TMC2: variants seen among roughly 807,000 people sequenced by gnomAD.
TMC2 encodes the protein transmembrane channel-like protein 2.
Under a neutral mutation model 105.9 loss-of-function variants are expected in TMC2, and 102 were observed. The ratio of observed to expected loss-of-function variants is 0.96; its 90% CI spans 0.82 to 1.14. The LOEUF (loss-of-function observed/expected upper bound fraction) is 1.14. Among genes scored for constraint, TMC2 ranks in the 50% most tolerant of loss-of-function variants. The probability of loss-of-function intolerance (pLI) is 0.00; values close to 1 mark genes in which losing one functional copy is unlikely to be tolerated. For synonymous variants in TMC2, 402 were observed against 422.8 expected (o/e 0.95, Z 0.60); for missense variants, 1,093 against 1,134.3 (o/e 0.96, Z 0.52).
intron 18 of TMC2, 111 bp from the exon 19 acceptor site, chr20:2,637,363 G>A: frequency 3.3e-6 from 2 of 608,780 alleles, no homozygotes; most frequent in Non-Finnish European, 5.6e-6. Context: ...ACTCCAGCCT[G>A]GGCAACAGAG....
At position 2,612,336 on chromosome 20, in the gene TMC2, G is replaced by T. The variant is rs558902975; in HGVS notation, c.1739G>T (p.Gly580Val). Residue 580 changes from glycine (G) to valine (V), a missense_variant, in exon 13 of 20, where the codon GGC (glycine) becomes GTC (valine). Coordinates refer to ENST00000358864, the MANE Select transcript of TMC2 (RefSeq NM_080751.3). ...PRGSCWETAV[G>V]IEFMRLTVSD... ...GGTTCTTGCTGGGAGACAGCTGTGGGCATTGTGAGTAGTTACACTCTCTAA... is the reference window on the plus strand; with the variant it reads ...GGTTCTTGCTGGGAGACAGCTGTGGTCATTGTGAGTAGTTACACTCTCTAA... 31 of 1,570,012 alleles carry T rather than the reference G, an allele frequency of 2.0e-5. No homozygotes were observed. The South Asian group carries it at 3.4e-4, about 17-fold the overall frequency.
chr20:2,554,357 G>C (rs1162430344), intron 2 of TMC2, among the ~76,000 whole-genome samples: 1 of 152,154 alleles, frequency 6.6e-6, no homozygotes, highest in East Asian at 1.9e-4. Flanking sequence ...AGCCTGGCTA[G>C]AGGGTCATCA....
Position 2,563,499 on chromosome 20 carries a change from G to A in TMC2, c.554+1489G>A, listed in dbSNP as rs150096793. ...GTGCTTAAAACAGATTAGTGTAACCGAAAAACTGATTTTTTTGTTTTAGCT... is the reference window on the plus strand; with the variant it reads ...GTGCTTAAAACAGATTAGTGTAACCAAAAAACTGATTTTTTTGTTTTAGCT... On this transcript the variant is annotated intron_variant, in intron 4 of 19. Coordinates refer to ENST00000358864, the MANE Select transcript of TMC2 (RefSeq NM_080751.3). Among the ~76,000 whole-genome samples, 530 of 152,238 alleles carry A rather than the reference G, an allele frequency of 3.5e-3. 5 individuals are homozygous for A. Among genetic ancestry groups the A allele is most frequent in the African/African-American group, 0.012 (491 of 41,526 alleles).
At chr20:2,594,167 GA>G (rs2086287634) in intron 8 of TMC2, among the ~76,000 whole-genome samples, 1 of 150,846 alleles carries the variant, frequency 6.6e-6, no homozygotes, top group Non-Finnish European at 1.5e-5. Flanking sequence ...TCAGATTGGA[GA>G]CCCTTCAGAA....
chr20:2,577,956 T>C (rs1047017135), intron 5 of TMC2, among the ~76,000 whole-genome samples: 2 of 152,128 alleles, frequency 1.3e-5, no homozygotes, highest in African/African-American at 2.4e-5. Flanking sequence ...TTTTCACAGG[T>C]GCGGACTTTA....
chr20:2,586,290 G>A lies in TMC2; in HGVS notation c.835-6020G>A, dbSNP rs573907069. Reference sequence around the variant, plus strand: ...ACCAACACAACAAACATAAAATGGTGGGACAGGCATAAGATAAATGCTATA... The same window carrying A: ...ACCAACACAACAAACATAAAATGGTAGGACAGGCATAAGATAAATGCTATA... On this transcript the variant is annotated intron_variant, in intron 7 of 19. Coordinates refer to ENST00000358864, the MANE Select transcript of TMC2 (RefSeq NM_080751.3). Among the ~76,000 whole-genome samples, 13 of 152,256 alleles carry A rather than the reference G, an allele frequency of 8.5e-5. No individual in the cohort carries two copies. The East Asian group carries it at 2.5e-3, about 29-fold the overall frequency.
intron 10 of TMC2, 26 bp from the exon 11 acceptor site, chr20:2,602,087 T>C (rs762190489): frequency 1.3e-6 from 2 of 1,569,236 alleles, no homozygotes; most frequent in Middle Eastern, 3.4e-4. Context: ...CTGACATTTA[T>C]GCACATCTCA....
chr20:2,592,338 T>A lies in TMC2; in HGVS notation c.863T>A (p.Ile288Asn), dbSNP rs1356934049. ...EVLMGMPYGS[I>N]PRKTVPRAEE... is the part of the protein sequence containing the mutation. The stretch of plus-strand genomic sequence containing the variant: ...CTGATGGGCATGCCCTATGGGAGTA[T>A]TCCCAGAAAGACAGTGCCTCGGGCT... Residue 288 changes from isoleucine (I) to asparagine (N), a missense_variant, in exon 8 of 20, where the codon ATT (isoleucine) becomes AAT (asparagine). By Grantham distance (149) the Ile-to-Asn change is moderately radical. Coordinates refer to ENST00000358864, the MANE Select transcript of TMC2 (RefSeq NM_080751.3). This position sits in a 1 kb window ranked among gnomAD's most constrained non-coding sequence, Gnocchi z 4.9. 1 of 1,613,894 alleles carries A rather than the reference T, an allele frequency of 6.2e-7. No individual in the cohort carries two copies. The highest frequency in any genetic ancestry group is 1.7e-5 in the Admixed American group (1 of 60,026).
At chr20:2,640,695 G>A (rs1161405882) in intron 19 of TMC2, among the ~76,000 whole-genome samples, 3 of 152,194 alleles carry the variant, frequency 2.0e-5, no homozygotes, top group Non-Finnish European at 4.4e-5. Flanking sequence ...GTTTAGTAAA[G>A]AGCAGTCATT....
At chr20:2,629,157 T>G (rs1405700691) in intron 17 of TMC2, among the ~76,000 whole-genome samples, 1 of 152,202 alleles carries the variant, frequency 6.6e-6, no homozygotes, top group Non-Finnish European at 1.5e-5. Context: ...TTTATCATAT[T>G]TACTCAACCA....
At chr20:2,572,125 T>A in intron 4 of TMC2, 54 bp from the exon 5 acceptor site, 2 of 1,338,662 alleles carry the variant, frequency 1.5e-6, no homozygotes, top group Non-Finnish European at 2.1e-6. Context: ...TAATTCAGAT[T>A]TCCTCTGGTT....
At chr20:2,545,855 G>GAA (rs2085921996) in intron 2 of TMC2, among the ~76,000 whole-genome samples, 4 of 89,210 alleles carry the variant, frequency 4.5e-5, no homozygotes, top group African/African-American at 1.8e-4. Flanking sequence ...GAAAGAAAGA[G>GAA]AAAGAAAGAA....
rs1191293730 is a variant in TMC2 at position 2,594,909 on chromosome 20, GC to G, written c.1019del (p.Ala340ValfsTer14). 1 of 1,614,148 alleles carries G rather than the reference GC, an allele frequency of 6.2e-7. No homozygotes were observed. On this transcript the variant is annotated frameshift_variant, in exon 9 of 20. Transcript: ENST00000358864. LOFTEE classifies it high-confidence loss of function. ...GTGGCTGAGGTACCGGCTGCCTATG[GC>G]TTACTTTATGGTGGGGGTCAGCGTG... ...IGWLRYRLPMAYFMVGVSVFG... is the reference protein window; with the variant it reads ...IGWLRYRLPMXYFMVGVSVFG...
intron 16 of TMC2, chr20:2,618,143 A>G (rs754198289): frequency 3.9e-5 from 6 of 152,272 alleles, no homozygotes; most frequent in Non-Finnish European, 8.8e-5. Context: ...TGTACCAGTT[A>G]ACCAACCGTA....
intron 7 of TMC2, among the ~76,000 whole-genome samples, chr20:2,584,373 G>A (rs1425299479): frequency 6.9e-6 from 1 of 143,934 alleles, no homozygotes; most frequent in Non-Finnish European, 1.5e-5. Flanking sequence ...GAACCCGGGA[G>A]GCGGAGCTTG....
At chr20:2,587,343 C>T (rs1174892207) in intron 7 of TMC2, among the ~76,000 whole-genome samples, 1 of 152,102 alleles carries the variant, frequency 6.6e-6, no homozygotes, top group African/African-American at 2.4e-5. Context: ...AACCAGATTG[C>T]ATTCTTGGAA....
At chr20:2,599,929 C>G (rs1175666456) in intron 10 of TMC2, among the ~76,000 whole-genome samples, 1 of 152,218 alleles carries the variant, frequency 6.6e-6, no homozygotes, top group Non-Finnish European at 1.5e-5. Context: ...GGGACACCCA[C>G]TAGGAAAAGG....
At chr20:2,545,948 G>C (rs201979316) in intron 2 of TMC2, among the ~76,000 whole-genome samples, 1 of 150,562 alleles carries the variant, frequency 6.6e-6, no homozygotes, top group Non-Finnish European at 1.5e-5. Context: ...AAAAGAAAGG[G>C]AGGAAAAAAT....
At chr20:2,551,430 C>CT (rs1461218047) in intron 2 of TMC2, among the ~76,000 whole-genome samples, 2 of 150,120 alleles carry the variant, frequency 1.3e-5, no homozygotes, top group Non-Finnish European at 3.0e-5. Context: ...TTCACAGTGT[C>CT]TTTTGCAGAG....
Sources: allele counts gnomAD v4.1 joint callset (sites outside exome capture counted in the v4.1 genomes callset), GRCh38; gene constraint gnomAD v4.1.1; non-coding constraint Gnocchi (gnomAD v3.1); transcripts MANE v1.5; gene names NCBI Gene and HGNC (gene_info 2026-07-23, HGNC 2026-07-21).